The following SLC35F4 variants were observed in gnomAD, a reference collection of about 807,000 sequenced individuals.
SLC35F4 encodes the protein chromosome 14 open reading frame 36.
Under a neutral mutation model 44.2 loss-of-function variants are expected in SLC35F4, and 24 were observed. The observed-to-expected ratio is 0.54, with a 90% CI of 0.39 to 0.76. The LOEUF (loss-of-function observed/expected upper bound fraction) is 0.76, where lower values mean the gene tolerates loss of function less well. Among genes scored for constraint, SLC35F4 ranks in the 30% least tolerant of loss-of-function variants. The probability of loss-of-function intolerance (pLI) is 0.00; values close to 1 mark genes in which losing one functional copy is unlikely to be tolerated. For missense variants in SLC35F4, 562 were observed against 586.1 expected (o/e 0.96, Z 0.42); for synonymous variants, 238 against 223.6 (o/e 1.06, Z -0.57).
At chr14:57,755,783 C>T (rs948840312) in intron 1 of SLC35F4, among the ~76,000 whole-genome samples, 14 of 152,122 alleles carry the variant, frequency 9.2e-5, no homozygotes, top group African/African-American at 2.2e-4. Flanking sequence ...ACAATGATCC[C>T]GCAAGGCAGG....
At chr14:57,780,608 A>C (rs773959222) in intron 1 of SLC35F4, among the ~76,000 whole-genome samples, 1 of 152,194 alleles carries the variant, frequency 6.6e-6, no homozygotes, top group Admixed American at 6.5e-5. Context: ...CTATGGAACT[A>C]GAAAAGAACT....
intron 1 of SLC35F4, among the ~76,000 whole-genome samples, chr14:57,893,464 A>G (rs1033073431): frequency 6.6e-6 from 1 of 152,202 alleles, no homozygotes; most frequent in East Asian, 1.9e-4. Flanking sequence ...ACAGTAACTG[A>G]AAAAGGCAGG....
chr14:57,739,173 C>G (rs2076542775), intron 1 of SLC35F4, among the ~76,000 whole-genome samples: 1 of 152,012 alleles, frequency 6.6e-6, no homozygotes, highest in Non-Finnish European at 1.5e-5. Context: ...GACAGAGAGT[C>G]CTGAGGGTAC....
rs2068838942 is a variant in SLC35F4, at chr14:57,577,045, T to C, written c.807+4169A>G. On this transcript the variant is annotated intron_variant, in intron 4 of 7. Transcript: ENST00000556826. ...CCCACTGTCCATCCTCCACTGCCTCTTCCAGGAAGCATGGAAGCTCTGGGC... is the reference window on the plus strand; with the variant it reads ...CCCACTGTCCATCCTCCACTGCCTCCTCCAGGAAGCATGGAAGCTCTGGGC... Among the ~76,000 whole-genome samples the C allele has an allele frequency of 2.0e-5, 3 of 152,154 alleles. No homozygotes were observed. The South Asian group carries it at 6.2e-4, about 32-fold the overall frequency.
intron 1 of SLC35F4, among the ~76,000 whole-genome samples, chr14:57,705,694 A>G (rs1713418869): frequency 6.6e-6 from 1 of 152,078 alleles, no homozygotes; most frequent in Admixed American, 6.6e-5. Context: ...TCACTTTTCC[A>G]CTGTGATTAG....
intron 1 of SLC35F4, among the ~76,000 whole-genome samples, chr14:57,937,064 C>T (rs1459917108): frequency 2.8e-5 from 4 of 144,236 alleles, no homozygotes; most frequent in Non-Finnish European, 4.5e-5. Context: ...ATTTTACCTG[C>T]TTTTTTTTTT....
intron 1 of SLC35F4, among the ~76,000 whole-genome samples, chr14:57,699,422 T>C (rs12435553): frequency 0.47 from 71,802 of 151,978 alleles, 17,670 homozygotes; most frequent in African/African-American, 0.63. Context: ...TCAAGAGAAC[T>C]CTGCTCAGCA....
At chr14:57,895,073 C>A (rs1279870602) in intron 1 of SLC35F4, among the ~76,000 whole-genome samples, 1 of 152,068 alleles carries the variant, frequency 6.6e-6, no homozygotes, top group Non-Finnish European at 1.5e-5. Context: ...AGCTGCAAAT[C>A]TCAGAAAGGG....
At chr14:57,770,579 A>G (rs780223746) in intron 1 of SLC35F4, among the ~76,000 whole-genome samples, 7 of 152,118 alleles carry the variant, frequency 4.6e-5, no homozygotes, top group Non-Finnish European at 1.0e-4. Flanking sequence ...CTCTTGGACT[A>G]TTTTTCACCT....
intron 1 of SLC35F4, among the ~76,000 whole-genome samples, chr14:57,889,580 T>A (rs1163115486): frequency 1.3e-5 from 2 of 152,232 alleles, no homozygotes; most frequent in Non-Finnish European, 2.9e-5. Flanking sequence ...GTTTATCCAG[T>A]GTAGAAGGGC....
At chr14:57,901,276 C>T (rs1403041372) in intron 1 of SLC35F4, among the ~76,000 whole-genome samples, 1 of 152,138 alleles carries the variant, frequency 6.6e-6, no homozygotes, top group Non-Finnish European at 1.5e-5. Context: ...AACCTAAATG[C>T]CCATCAATGA....
intron 4 of SLC35F4, among the ~76,000 whole-genome samples, chr14:57,580,787 A>G (rs971517464): frequency 3.3e-5 from 5 of 151,976 alleles, no homozygotes; most frequent in African/African-American, 1.2e-4. Flanking sequence ...TTATCTACTT[A>G]CACCAATATT....
intron 1 of SLC35F4, among the ~76,000 whole-genome samples, chr14:57,848,341 A>T (rs1479756376): frequency 2.0e-5 from 3 of 152,334 alleles, no homozygotes; most frequent in Middle Eastern, 6.8e-3. Flanking sequence ...GACACCAGGC[A>T]TGGTTGAAGA....
intron 1 of SLC35F4, among the ~76,000 whole-genome samples, chr14:57,799,169 G>A (rs759812395): frequency 2.0e-5 from 3 of 152,174 alleles, no homozygotes; most frequent in Non-Finnish European, 4.4e-5. Context: ...AAGAAAAGCA[G>A]GGACGGAGCA....
intron 1 of SLC35F4, among the ~76,000 whole-genome samples, chr14:57,713,649 T>G (rs1357041509): frequency 1.2e-4 from 19 of 152,202 alleles, no homozygotes; most frequent in Admixed American, 1.2e-3. Context: ...GCTGCTTTCC[T>G]TTGCAGAATA....
intron 1 of SLC35F4, among the ~76,000 whole-genome samples, chr14:57,881,566 G>C (rs199510531): frequency 1.3e-5 from 2 of 152,104 alleles, no homozygotes; most frequent in East Asian, 3.9e-4. Context: ...TATCAGAAAG[G>C]GTTTTTGTAA....
chr14:57,567,196 C>T (rs915925096), intron 6 of SLC35F4, among the ~76,000 whole-genome samples: 1 of 152,218 alleles, frequency 6.6e-6, no homozygotes, highest in Non-Finnish European at 1.5e-5. Context: ...CCTTTTGGAC[C>T]TCTTTGGTTA....
intron 1 of SLC35F4, among the ~76,000 whole-genome samples, chr14:57,715,078 G>A (rs1440857851): frequency 2.6e-5 from 4 of 152,038 alleles, no homozygotes; most frequent in Non-Finnish European, 5.9e-5. Context: ...AAAGAGAGGC[G>A]AGTAAAGATG....
upstream of SLC35F4, among the ~76,000 whole-genome samples, chr14:57,870,334 C>T (rs1249995299): frequency 6.6e-6 from 1 of 152,044 alleles, no homozygotes; most frequent in Non-Finnish European, 1.5e-5. Flanking sequence ...GTTTAAAGCA[C>T]GGACTTTGGA....
Sources: gnomAD v4.1 joint callset for allele counts (sites outside exome capture counted in the v4.1 genomes callset) on GRCh38, gnomAD v4.1.1 for gene constraint, MANE v1.5 for transcripts, NCBI Gene and HGNC (gene_info 2026-07-23, HGNC 2026-07-21) for gene names.